LRP5: variants seen among roughly 807,000 people sequenced by gnomAD.
The protein encoded by LRP5 is LDL receptor related protein 5, also known as low-density lipoprotein receptor-related protein 5.
Under a neutral mutation model 154.1 loss-of-function variants are expected in LRP5, and 62 were observed. The observed-to-expected ratio is 0.40, with a 90% CI of 0.33 to 0.50. The LOEUF is 0.50. LRP5 is among the 20% of genes least tolerant of loss of function. LRP5 has a pLI of 0.55. For synonymous variants in LRP5, 966 were observed against 1,011.5 expected (o/e 0.96, Z 0.85); for missense variants, 1,915 against 2,336.7 (o/e 0.82, Z 3.72).
intron 8 of LRP5, among the ~76,000 whole-genome samples, chr11:68,406,202 G>A (rs1322454239): frequency 1.3e-5 from 2 of 152,224 alleles, no homozygotes; most frequent in African/African-American, 4.8e-5. Flanking sequence ...ACCCTTGGCT[G>A]TACCAGGGGA....
the LRP5 span, among the ~76,000 whole-genome samples, chr11:68,301,609 A>G: frequency 4.7e-5 from 7 of 148,338 alleles, no homozygotes; most frequent in African/African-American, 1.7e-4. Flanking sequence ...CAAAATACTA[A>G]CAATTCTTAT....
chr11:68,316,143 C>CACGGTGCCAGCCTGTTTA, intron 1 of LRP5, among the ~76,000 whole-genome samples: 2 of 152,166 alleles, frequency 1.3e-5, no homozygotes, highest in African/African-American at 4.8e-5. Context: ...GACTTTCTGC[C>CACGGTGCCAGCCTGTTTA]TCTGTGGTTC....
chr11:68,419,687 T>C (rs1007401297), intron 13 of LRP5, among the ~76,000 whole-genome samples: 1 of 151,532 alleles, frequency 6.6e-6, no homozygotes, highest in Non-Finnish European at 1.5e-5. Context: ...GGATTACAGG[T>C]GCCCATCACT....
At chr11:68,300,357 G>T in the LRP5 span, among the ~76,000 whole-genome samples, 1 of 149,318 alleles carries the variant, frequency 6.7e-6, no homozygotes, top group Non-Finnish European at 1.5e-5. Flanking sequence ...CCACTTCCTC[G>T]CTGCATGACC....
At position 68,423,752 on chromosome 11, in the gene LRP5, T is replaced by TGAACAA. The variant is rs2098667169; in HGVS notation, c.3236+55_3236+56insGAACAA. 9.1e-6 allele frequency: 14 copies of TGAACAA among 1,536,508 alleles called. No homozygotes were observed. The highest frequency in any genetic ancestry group is 1.2e-5 in the Non-Finnish European group (14 of 1,129,102). On this transcript the variant is annotated intron_variant, in intron 14 of 22. Transcript: ENST00000294304. This position sits in a 1 kb window ranked among gnomAD's most constrained non-coding sequence, Gnocchi z 4.7. ...TGCCCGTCCAGGCGTGCCCGCCGTG[T>TGAACAA]CTTCTGCCGAATGCCAGCCTCTCAC...
intron 2 of LRP5, among the ~76,000 whole-genome samples, chr11:68,356,908 T>G (rs2098623599): frequency 6.6e-6 from 1 of 152,160 alleles, no homozygotes; most frequent in Non-Finnish European, 1.5e-5. Context: ...CCATGTCTTT[T>G]CATGGCTTGA....
chr11:68,424,466 G>C (rs745942662), intron 14 of LRP5, among the ~76,000 whole-genome samples: 2 of 152,208 alleles, frequency 1.3e-5, no homozygotes, highest in Non-Finnish European at 2.9e-5. Flanking sequence ...GGGGCTCGGT[G>C]GGCGGAAGCC....
the LRP5 span, among the ~76,000 whole-genome samples, chr11:68,303,419 C>T: frequency 6.6e-6 from 1 of 152,148 alleles, no homozygotes; most frequent in African/African-American, 2.4e-5. Context: ...TATTTTCATG[C>T]CCTAGGGATC....
intron 22 of LRP5, chr11:68,446,872 G>A (rs1053627359): frequency 2.7e-5 from 10 of 377,046 alleles, no homozygotes; most frequent in African/African-American, 1.0e-4. Flanking sequence ...GTTTGAGTCC[G>A]GCTGTGGAAA....
chr11:68,335,309 A>G (rs190886332), intron 1 of LRP5, among the ~76,000 whole-genome samples: 123 of 152,084 alleles, frequency 8.1e-4, no homozygotes, highest in Admixed American at 1.6e-3. Flanking sequence ...TCTGGCCTCA[A>G]GTGAACCTCC....
chr11:68,395,560 G>A (rs942766641), intron 7 of LRP5, among the ~76,000 whole-genome samples: 3 of 152,054 alleles, frequency 2.0e-5, no homozygotes, highest in Admixed American at 6.5e-5. Context: ...CCTTCTCAGC[G>A]CCCTTTATAT....
rs143908098 is a variant in LRP5 at position 68,364,142 on chromosome 11, G to C, written c.883+199G>C. ...GGGGTACCTGCTGCAATGGAGGGAG[G>C]TGTGTGGCTGGCTGGGGGACACGGG... On this transcript the variant is annotated intron_variant, in intron 4 of 22. Transcript: ENST00000294304. 0.033 allele frequency among the ~76,000 whole-genome samples: 4,951 copies of C among 151,700 alleles called. 301 individuals carry two copies. The highest frequency in any genetic ancestry group is 0.11 in the African/African-American group (4,726 of 41,290).
rs58524064 is a variant in LRP5, at chr11:68,406,962, T to TA, written c.2091+160dup. 0.53 allele frequency: 306,506 copies of TA among 578,482 alleles called. 51,031 individuals carry two copies. Among genetic ancestry groups the TA allele is most frequent in the Admixed American group, 0.57 (17,740 of 30,936 alleles). The allele number at this position is 578,482 out of a possible 1,614,324, so 35.8% of individuals were successfully genotyped here. Reference sequence around the variant, plus strand: ...CTAATCAAATATGAGCAAGCCTATTTAAAAAAAAAAAGATGATTATAATGA... The same window carrying TA: ...CTAATCAAATATGAGCAAGCCTATTTAAAAAAAAAAAAGATGATTATAATGA... On this transcript the variant is annotated intron_variant, in intron 9 of 22. Coordinates refer to ENST00000294304, the MANE Select transcript of LRP5 (RefSeq NM_002335.4).
At chr11:68,368,464 C>T (rs182718689) in intron 5 of LRP5, among the ~76,000 whole-genome samples, 3 of 152,360 alleles carry the variant, frequency 2.0e-5, no homozygotes, top group East Asian at 3.9e-4. Context: ...ACCGACTTCA[C>T]GGGCTGTGTG....
At chr11:68,307,261 T>G in the LRP5 span, among the ~76,000 whole-genome samples, 2 of 152,056 alleles carry the variant, frequency 1.3e-5, no homozygotes, top group African/African-American at 4.8e-5. Context: ...GGCTTGATCC[T>G]AGGAGTTCAA....
At chr11:68,366,809 A>G (rs1247579283) in intron 5 of LRP5, among the ~76,000 whole-genome samples, 2 of 152,110 alleles carry the variant, frequency 1.3e-5, no homozygotes, top group African/African-American at 2.4e-5. Context: ...TGGGCGGCCT[A>G]GTCCTCACGG....
Position 68,386,498 on chromosome 11 carries a change from G to T in LRP5, c.1198G>T (p.Ala400Ser). Residue 400 changes from alanine to serine, a missense_variant, in exon 6 of 23, where the codon GCG becomes TCG. Coordinates refer to ENST00000294304, the MANE Select transcript of LRP5 (RefSeq NM_002335.4). The surrounding 1 kb of genome is among the most constrained non-coding windows in gnomAD (Gnocchi z 7.9). Reference protein sequence around the residue: ...TDDEVRAIRRAYLDGSGAQTL... With the variant: ...TDDEVRAIRRSYLDGSGAQTL... The stretch of plus-strand genomic sequence containing the variant: ...TGACGAGGTGCGGGCCATCCGCAGG[G>T]CGTACCTGGACGGGTCTGGGGCGCA... The T allele has an allele frequency of 6.2e-7, 1 of 1,614,080 alleles. No individual in the cohort carries two copies. Among genetic ancestry groups the T allele is most frequent in the Non-Finnish European group, 8.5e-7 (1 of 1,180,020 alleles).
At chr11:68,363,274 T>C (rs1230380119) in intron 3 of LRP5, among the ~76,000 whole-genome samples, 2 of 152,120 alleles carry the variant, frequency 1.3e-5, no homozygotes, top group African/African-American at 4.8e-5. Context: ...TCACAGGCTG[T>C]GTTTGGGAGG....
At chr11:68,400,569 A>AAATT (rs2153161316) in intron 7 of LRP5, among the ~76,000 whole-genome samples, 1 of 150,896 alleles carries the variant, frequency 6.6e-6, no homozygotes, top group Non-Finnish European at 1.5e-5. Context: ...AAAAATAAAT[A>AAATT]AATAAATAAA....
Sources: allele counts gnomAD v4.1 joint callset (sites outside exome capture counted in the v4.1 genomes callset), GRCh38; gene constraint gnomAD v4.1.1; non-coding constraint Gnocchi (gnomAD v3.1); transcripts MANE v1.5; gene names NCBI Gene and HGNC (gene_info 2026-07-23, HGNC 2026-07-21).